Variants in TBX18 observed in about 807,000 individuals in gnomAD.
TBX18 encodes T-box transcription factor 18.
In TBX18, 21 loss-of-function variants were observed where a neutral mutation model predicts 55.0. The ratio of observed to expected loss-of-function variants is 0.38; its 90% confidence interval spans 0.27 to 0.55. The LOEUF (loss-of-function observed/expected upper bound fraction) is 0.55. Among genes scored for constraint, TBX18 ranks in the 20% least tolerant of loss-of-function variants. The probability of loss-of-function intolerance (pLI) is 0.73; values close to 1 mark genes in which losing one functional copy is unlikely to be tolerated. For synonymous variants in TBX18, 342 were observed against 326.1 expected (o/e 1.05, Z -0.53); for missense variants, 840 against 799.6 (o/e 1.05, Z -0.61).
chr6:84,762,996 C>G, intron 1 of TBX18: 1 of 573,112 alleles, frequency 1.7e-6, no homozygotes, highest in Non-Finnish European at 3.1e-6. Context: ...GGGAGAGGCG[C>G]GCGGGCAGCG....
rs1767613757 is a variant in TBX18 at position 84,760,300 on chromosome 6, T to C, written c.554A>G (p.Tyr185Cys). 1 of 1,608,810 alleles carries C rather than the reference T, an allele frequency of 6.2e-7. No homozygotes were observed. The highest frequency in any genetic ancestry group is 8.5e-7 in the Non-Finnish European group (1 of 1,176,912). Residue 185 changes from tyrosine (Y) to cysteine (C), a missense_variant, in exon 3 of 8, where the codon TAT (tyrosine) becomes TGT (cysteine). Transcript: ENST00000369663. ...KISGLDPHQQ[Y>C]YIAMDIVPVD... ...TGGTACAATATCCATGGCAATGTAA[T>C]ATTGCTGGTGAGGATCTAATCCAGA...
rs138953349 is a variant in TBX18, at chr6:84,763,855, G to C, written c.292+35C>G. The stretch of plus-strand genomic sequence containing the variant: ...ACTCGCAGAAGTTCAGGTTCGCGCC[G>C]GAGAGAAGTTATAGGCAGGAAGGGG... On this transcript the variant is annotated intron_variant, in intron 1 of 7. Coordinates refer to ENST00000369663, the MANE Select transcript of TBX18 (RefSeq NM_001080508.3). 2.1e-3 allele frequency: 3,060 copies of C among 1,457,044 alleles called. 53 individuals are homozygous for C. The African/African-American group carries it at 0.038, about 18-fold the overall frequency. 90.3% of individuals were successfully genotyped at this position (1,457,044 alleles called of 1,614,324 possible).
At chr6:84,762,829 G>T in intron 1 of TBX18, 81 bp from the exon 2 acceptor site, 2 of 1,345,662 alleles carry the variant, frequency 1.5e-6, no homozygotes, top group African/African-American at 1.5e-5. Context: ...CCACCTGGTG[G>T]CTGAGAAGAG....
At chr6:84,749,130 T>C (rs1316993906) in intron 4 of TBX18, among the ~76,000 whole-genome samples, 2 of 152,206 alleles carry the variant, frequency 1.3e-5, no homozygotes, top group African/African-American at 4.8e-5. Flanking sequence ...CTTTCAAGGC[T>C]GATGGGGTAG....
In TBX18 at chr6:84,750,401, C is replaced by A. The variant is rs1478624341; in HGVS notation, c.772-2314G>T. On this transcript the variant is annotated intron_variant, in intron 4 of 7. Transcript: ENST00000369663. ...TGTGGACCCAGTAGATATTCTTTTT[C>A]AGAACTATATTAGGAAAAAGGAGTA... 2.6e-5 allele frequency among the ~76,000 whole-genome samples: 4 copies of A among 151,656 alleles called. No individual in the cohort carries two copies. In the East Asian group the frequency reaches 7.7e-4, roughly 29 times the overall value.
chr6:84,764,431 C>G lies in TBX18; in HGVS notation c.-250G>C. Reference sequence around the variant, plus strand: ...TCTCGCGCGCTCTCTCACTGATGCACTCCTTTGCTCCCACCCCTTCCACCT... The same window carrying G: ...TCTCGCGCGCTCTCTCACTGATGCAGTCCTTTGCTCCCACCCCTTCCACCT... On this transcript the variant is annotated 5_prime_UTR_variant, in exon 1 of 8. Transcript: ENST00000369663. The G allele has an allele frequency of 2.1e-6, 1 of 478,740 alleles. No homozygotes were observed. Among genetic ancestry groups the G allele is most frequent in the South Asian group, 4.2e-5 (1 of 23,646 alleles). The allele number at this position is 478,740 out of a possible 1,614,324, so 29.7% of individuals were successfully genotyped here. A position where few individuals can be genotyped will look rare whatever the true frequency, so the allele number is the denominator to read the frequency against.
intron 5 of TBX18, among the ~76,000 whole-genome samples, chr6:84,745,372 A>G (rs1767154763): frequency 6.6e-6 from 1 of 152,164 alleles, no homozygotes; most frequent in African/African-American, 2.4e-5. Flanking sequence ...TTTGGCTTCT[A>G]AATTCCTGGG....
At position 84,737,170 on chromosome 6, in the gene TBX18, C is replaced by G. The variant is rs1475044766; in HGVS notation, c.1339G>C (p.Glu447Gln). Residue 447 changes from glutamate to glutamine, a missense_variant, in exon 8 of 8, where the codon GAG (glutamate) becomes CAG (glutamine). Glu to Gln is a conservative substitution (Grantham distance 29). Transcript: ENST00000369663. ...GGAGTCCTGGGCGGGGCAAAGGTCT[C>G]ACCAGCCTGGTTGGTGAGCCTGTTG... ...TYNRLTNQAG[E>Q]TFAPPRTPSY... The G allele has an allele frequency of 2.5e-6, 4 of 1,613,894 alleles. No homozygotes were observed. Among genetic ancestry groups the G allele is most frequent in the Non-Finnish European group, 3.4e-6 (4 of 1,179,854 alleles).
At chr6:84,753,829 T>C (rs1767416212) in intron 4 of TBX18, among the ~76,000 whole-genome samples, 2 of 152,364 alleles carry the variant, frequency 1.3e-5, no homozygotes, top group Non-Finnish European at 2.9e-5. Flanking sequence ...CACTGGCATC[T>C]GTACTTCTCT....
chr6:84,758,110 C>T lies in TBX18; in HGVS notation c.600-1241G>A, dbSNP rs533522403. 1.6e-4 allele frequency among the ~76,000 whole-genome samples: 24 copies of T among 152,100 alleles called. No homozygotes were observed. In the East Asian group the frequency reaches 4.6e-3, roughly 29 times the overall value. On this transcript the variant is annotated intron_variant, in intron 3 of 7. Transcript: ENST00000369663. ...AATCATAAAATTAGGGATAGTCTTTCAGAAATCTTCCTTTAGGCCAGAGGC... is the reference window on the plus strand; with the variant it reads ...AATCATAAAATTAGGGATAGTCTTTTAGAAATCTTCCTTTAGGCCAGAGGC...
Position 84,738,576 on chromosome 6 carries a change from G to C in TBX18, c.1020C>G (p.Ala340=), listed in dbSNP as rs1766952292. The change falls in exon 7 of 8, where the codon GCC becomes GCG. Residue 340 remains alanine (A), a synonymous_variant. Transcript: ENST00000369663. ...GCCAGAATGCATATGATTCCACCAA[G>C]GCTTCCAAACCCATTCTAAATGGAA... ...DSGRNRMGLE[A]LVESYAFWRP... is the part of the protein sequence containing the mutation. 1 of 1,613,896 alleles carries C rather than the reference G, an allele frequency of 6.2e-7. No individual in the cohort carries two copies. Among genetic ancestry groups the C allele is most frequent in the Non-Finnish European group, 8.5e-7 (1 of 1,179,916 alleles).
chr6:84,742,005 T>C (rs1186231896), intron 6 of TBX18: 2 of 152,274 alleles, frequency 1.3e-5, no homozygotes, highest in East Asian at 1.9e-4. Flanking sequence ...TAATGATTTA[T>C]AGATATTTAG....
chr6:84,756,047 A>T (rs1050876677), intron 4 of TBX18, among the ~76,000 whole-genome samples: 2 of 152,226 alleles, frequency 1.3e-5, no homozygotes, highest in Non-Finnish European at 2.9e-5. Context: ...ATCAGCATGT[A>T]TCCAGTTACT....
At position 84,760,370 on chromosome 6, in the gene TBX18, C is replaced by A. The variant is rs778007857; in HGVS notation, c.498-14G>T. On this transcript the variant is annotated splice_polypyrimidine_tract_variant and intron_variant, in intron 2 of 7. Coordinates refer to ENST00000369663, the MANE Select transcript of TBX18 (RefSeq NM_001080508.3). ...GGAAACATGCGCCTATTTAAAAAGG[C>A]GAAGAGAAAGAGGGTTTGGGGTTTT... 3.2e-6 allele frequency: 5 copies of A among 1,587,208 alleles called. No homozygotes were observed. The highest frequency in any genetic ancestry group is 3.4e-4 in the Middle Eastern group (2 of 5,948).
At chr6:84,760,097 C>T (rs543900255) in intron 3 of TBX18, among the ~76,000 whole-genome samples, 158 bp downstream of exon 3, 1 of 152,200 alleles carries the variant, frequency 6.6e-6, no homozygotes, top group African/African-American at 2.4e-5. Flanking sequence ...AGAAAAGGCA[C>T]CATCTGGGCC....
chr6:84,753,285 T>C (rs1022278213), intron 4 of TBX18, among the ~76,000 whole-genome samples: 1 of 152,218 alleles, frequency 6.6e-6, no homozygotes, highest in South Asian at 2.1e-4. Flanking sequence ...TCATGTCTCA[T>C]GTGCTCCTAC....
chr6:84,760,489 T>C (rs566330450), intron 2 of TBX18, 133 bp from the exon 3 acceptor site: 1 of 564,434 alleles, frequency 1.8e-6, no homozygotes, highest in East Asian at 2.9e-5. Context: ...ACTTTGCCAA[T>C]GTAATTCAAG....
intron 3 of TBX18, among the ~76,000 whole-genome samples, chr6:84,758,203 C>T (rs1033352456): frequency 3.8e-4 from 57 of 151,860 alleles, no homozygotes; most frequent in African/African-American, 1.3e-3. Context: ...GTCAGGAGTT[C>T]GAGATCAGGC....
intron 5 of TBX18, among the ~76,000 whole-genome samples, chr6:84,746,532 A>C (rs943551590): frequency 2.7e-5 from 4 of 146,660 alleles, no homozygotes; most frequent in Non-Finnish European, 6.0e-5. Flanking sequence ...TATTTGATAT[A>C]TTAAAATCAT....
Sources: gnomAD v4.1 joint callset for allele counts (sites outside exome capture counted in the v4.1 genomes callset) on GRCh38, gnomAD v4.1.1 for gene constraint, MANE v1.5 for transcripts, NCBI Gene and HGNC (gene_info 2026-07-23, HGNC 2026-07-21) for gene names.